The following MTMR10 variants were observed in gnomAD, a reference collection of about 807,000 sequenced individuals.
MTMR10 encodes myotubularin related protein 10.
A neutral mutation model predicts 88.1 loss-of-function variants in MTMR10; 56 were observed. The observed-to-expected ratio is 0.64, with a 90% CI of 0.51 to 0.79. The LOEUF (loss-of-function observed/expected upper bound fraction) is 0.79, where lower values mean the gene tolerates loss of function less well. Among genes scored for constraint, MTMR10 ranks in the 30% least tolerant of loss-of-function variants. The pLI is 0.00. For synonymous variants in MTMR10, 380 were observed against 340.9 expected (o/e 1.11, Z -1.26); for missense variants, 883 against 924.7 (o/e 0.95, Z 0.58).
chr15:30,946,925 G>C (rs1419148897), intron 14 of MTMR10: 29 of 662,236 alleles, frequency 4.4e-5, no homozygotes, highest in Non-Finnish European at 9.8e-6. Context: ...ATTTACATTA[G>C]AGTAAAACAA....
chr15:30,965,258 A>G (rs547666579), intron 6 of MTMR10, among the ~76,000 whole-genome samples: 1 of 152,350 alleles, frequency 6.6e-6, no homozygotes, highest in East Asian at 1.9e-4. Context: ...TCAAATAGGC[A>G]TTTTAAGGAA....
At chr15:30,955,516 C>T (rs886504575) in intron 9 of MTMR10, among the ~76,000 whole-genome samples, 21 of 152,240 alleles carry the variant, frequency 1.4e-4, no homozygotes, top group African/African-American at 4.3e-4. Context: ...GTGATTCACC[C>T]CCCTTGGCCT....
intron 12 of MTMR10, chr15:30,949,498 G>GTCAC (rs1336473562): frequency 2.0e-5 from 3 of 152,126 alleles, no homozygotes; most frequent in Non-Finnish European, 2.9e-5. Context: ...AATAAATGAG[G>GTCAC]TCAGTAAGGT....
intron 14 of MTMR10, chr15:30,944,034 C>T (rs1320547803): frequency 2.0e-6 from 2 of 980,470 alleles, no homozygotes; most frequent in Non-Finnish European, 2.4e-6. Flanking sequence ...AAAAAAACCC[C>T]CAAGAATTTA....
chr15:30,942,585 C>T (rs993215693), intron 15 of MTMR10: 7 of 375,872 alleles, frequency 1.9e-5, no homozygotes, highest in African/African-American at 8.3e-5. Flanking sequence ...CACAGCCAGG[C>T]GGCATTCCCT....
downstream of MTMR10, chr15:30,937,026 A>G: frequency 1.0e-6 from 1 of 982,358 alleles, no homozygotes; most frequent in Non-Finnish European, 1.6e-6. Flanking sequence ...CAGAAGAGCC[A>G]TTTAAATAGT....
At chr15:30,957,301 A>G (rs1293662601) in intron 9 of MTMR10, among the ~76,000 whole-genome samples, 1 of 152,238 alleles carries the variant, frequency 6.6e-6, no homozygotes, top group Non-Finnish European at 1.5e-5. Context: ...ACACACACAT[A>G]TATAATTAAA....
rs1044123901 is a variant in MTMR10, at chr15:30,940,616, T to A, written c.*854A>T. The A allele has an allele frequency of 1.2e-5, 12 of 985,426 alleles. No individual in the cohort carries two copies. The highest frequency in any genetic ancestry group is 1.7e-5 in the African/African-American group (1 of 57,194). 61.0% of individuals were successfully genotyped at this position (985,426 alleles called of 1,614,324 possible). On this transcript the variant is annotated 3_prime_UTR_variant, in exon 16 of 16. Transcript: ENST00000435680. ...GCGAGTTTTGGCATAGATGGCACTC[T>A]CCTGTCTACAGCATACACCTCTGTG...
intron 2 of MTMR10, among the ~76,000 whole-genome samples, chr15:30,988,488 T>G (rs2031097764): frequency 7.1e-6 from 1 of 140,590 alleles, no homozygotes; most frequent in Non-Finnish European, 1.5e-5. Flanking sequence ...TACAGCTCTT[T>G]TAGAATTTCT....
At chr15:30,952,072 T>A (rs1262759381) in intron 11 of MTMR10, 34 bp from the exon 12 acceptor site, 1 of 1,554,770 alleles carries the variant, frequency 6.4e-7, no homozygotes, top group Non-Finnish European at 8.9e-7. Flanking sequence ...GTGTTAAAAA[T>A]CAAATTTCCA....
At chr15:30,923,496 C>T in the MTMR10 span, among the ~76,000 whole-genome samples, 3 of 152,200 alleles carry the variant, frequency 2.0e-5, no homozygotes, top group Non-Finnish European at 4.4e-5. Context: ...CCTCTGTTTC[C>T]AGAGGTCTTA....
chr15:30,936,505 A>G (rs1394338934), downstream of MTMR10, among the ~76,000 whole-genome samples: 2 of 152,244 alleles, frequency 1.3e-5, no homozygotes, highest in East Asian at 3.8e-4. Flanking sequence ...CATTTGCTAT[A>G]CTAAGAATCA....
chr15:30,926,667 A>G, the MTMR10 span: 1 of 985,424 alleles, frequency 1.0e-6, no homozygotes, highest in East Asian at 1.1e-4. Context: ...GAGATACAGT[A>G]GGCCTGAAAT....
chr15:30,925,399 G>A, the MTMR10 span: 9 of 1,091,348 alleles, frequency 8.2e-6, no homozygotes, highest in African/African-American at 1.6e-5. Context: ...TTTTAGACTC[G>A]GAATAATCTA....
At chr15:30,964,550 T>G (rs1014126113) in intron 6 of MTMR10, among the ~76,000 whole-genome samples, 1 of 152,242 alleles carries the variant, frequency 6.6e-6, no homozygotes, top group African/African-American at 2.4e-5. Context: ...CATCTTCAGT[T>G]AGAGCTCATT....
chr15:30,967,323 C>G (rs2063484674), intron 6 of MTMR10, among the ~76,000 whole-genome samples: 1 of 152,138 alleles, frequency 6.6e-6, no homozygotes, highest in Non-Finnish European at 1.5e-5. Context: ...GCATGATCAT[C>G]TGGAATCTTC....
chr15:30,991,613 C>G lies in MTMR10; in HGVS notation c.-107G>C. On this transcript the variant is annotated 5_prime_UTR_variant, in exon 1 of 16. Transcript: ENST00000435680. ...CCGCCCAGGCCCTTTCTGCGGCCAG[C>G]CGAGCCGGGCGGACTGACGGGCGGG... The G allele has an allele frequency of 7.4e-7, 1 of 1,342,830 alleles. No homozygotes were observed. 83.2% of individuals were successfully genotyped at this position (1,342,830 alleles called of 1,614,324 possible). A position where few individuals can be genotyped will look rare whatever the true frequency, so the allele number is the denominator to read the frequency against.
intron 5 of MTMR10, among the ~76,000 whole-genome samples, chr15:30,968,684 A>T (rs1052933130): frequency 3.3e-5 from 5 of 152,124 alleles, no homozygotes; most frequent in African/African-American, 1.2e-4. Context: ...TCTGTCAAGT[A>T]CTTGCTACAT....
intron 9 of MTMR10, among the ~76,000 whole-genome samples, chr15:30,957,742 G>A (rs534001229): frequency 3.9e-5 from 6 of 152,282 alleles, no homozygotes; most frequent in African/African-American, 1.4e-4. Context: ...GTGGGTAAGC[G>A]TGGAGAGTGT....
Sources: allele counts gnomAD v4.1 joint callset (sites outside exome capture counted in the v4.1 genomes callset), GRCh38; gene constraint gnomAD v4.1.1; transcripts MANE v1.5; gene names NCBI Gene and HGNC (gene_info 2026-07-23, HGNC 2026-07-21).